The following ADAMTS6 variants were observed in gnomAD, a reference collection of about 807,000 sequenced individuals.
The protein encoded by ADAMTS6 is ADAM metallopeptidase with thrombospondin type 1 motif 6, also known as A disintegrin and metalloproteinase with thrombospondin motifs 6.
In ADAMTS6, 23 loss-of-function variants were observed where a neutral mutation model predicts 144.3. The ratio of observed to expected loss-of-function variants is 0.16; its 90% confidence interval spans 0.11 to 0.23. The LOEUF is 0.23. Among genes scored for constraint, ADAMTS6 ranks in the 10% least tolerant of loss-of-function variants. The pLI is 1.00. For missense variants in ADAMTS6, 999 were observed against 1,379.6 expected (o/e 0.72, Z 4.37); for synonymous variants, 444 against 457.5 (o/e 0.97, Z 0.38).
intron 1 of ADAMTS6, among the ~76,000 whole-genome samples, chr5:65,480,215 T>C (rs1308986797): frequency 6.6e-6 from 1 of 152,128 alleles, no homozygotes; most frequent in African/African-American, 2.4e-5. Context: ...CACTTGAACA[T>C]AAAAAGAACA....
intron 12 of ADAMTS6, among the ~76,000 whole-genome samples, chr5:65,272,350 G>A (rs1175735774): frequency 6.6e-6 from 1 of 152,078 alleles, no homozygotes; most frequent in Non-Finnish European, 1.5e-5. Context: ...TTCAACAATT[G>A]TTGTTGTTTT....
chr5:65,244,661 C>T lies in ADAMTS6; in HGVS notation c.1831-2455G>A, dbSNP rs192758670. 2.1e-3 allele frequency among the ~76,000 whole-genome samples: 316 copies of T among 152,206 alleles called. 1 individual carries two copies. Among genetic ancestry groups the T allele is most frequent in the Non-Finnish European group, 3.8e-3 (258 of 68,006 alleles). On this transcript the variant is annotated intron_variant, in intron 14 of 24. Transcript: ENST00000381055. The stretch of plus-strand genomic sequence containing the variant: ...ATTATCTATATACTCCTTCTCAACA[C>T]TCTTTTGAGGTAGATATAATTAATA...
intron 7 of ADAMTS6, among the ~76,000 whole-genome samples, chr5:65,394,945 A>G (rs1041929284): frequency 6.6e-6 from 1 of 152,166 alleles, no homozygotes; most frequent in Non-Finnish European, 1.5e-5. Context: ...AAATAATCCT[A>G]TGAAGTAGCA....
intron 24 of ADAMTS6, among the ~76,000 whole-genome samples, chr5:65,161,874 G>A (rs1221328649): frequency 1.3e-5 from 2 of 152,176 alleles, no homozygotes; most frequent in African/African-American, 4.8e-5. Context: ...TTTTAAATGA[G>A]TTGACAGCTT....
chr5:65,190,920 T>TC (rs970448486), intron 21 of ADAMTS6, among the ~76,000 whole-genome samples: 2 of 152,070 alleles, frequency 1.3e-5, no homozygotes, highest in Admixed American at 6.6e-5. Context: ...CATCTGCTTG[T>TC]CTCAGTTTCT....
intron 21 of ADAMTS6, among the ~76,000 whole-genome samples, chr5:65,191,854 C>T (rs1755034206): frequency 6.6e-6 from 1 of 152,038 alleles, no homozygotes; most frequent in Admixed American, 6.6e-5. Flanking sequence ...GAGAATGTGT[C>T]AATGAAGCAA....
At chr5:65,216,137 C>A (rs1484214807) in intron 18 of ADAMTS6, among the ~76,000 whole-genome samples, 2 of 152,128 alleles carry the variant, frequency 1.3e-5, no homozygotes, top group Non-Finnish European at 2.9e-5. Flanking sequence ...CTTGGACACA[C>A]ATATTCATAG....
intron 15 of ADAMTS6, among the ~76,000 whole-genome samples, chr5:65,239,991 C>G (rs891139512): frequency 3.9e-5 from 6 of 152,150 alleles, no homozygotes; most frequent in Non-Finnish European, 8.8e-5. Context: ...CCCAGCAATT[C>G]TACTCCTAAG....
chr5:65,232,815 T>C (rs188795072), intron 15 of ADAMTS6, among the ~76,000 whole-genome samples: 20 of 152,066 alleles, frequency 1.3e-4, no homozygotes, highest in Admixed American at 7.2e-4. Context: ...TTCAAAAACA[T>C]TGCAGAGAAG....
chr5:65,405,856 G>T (rs950572366), intron 7 of ADAMTS6, among the ~76,000 whole-genome samples: 8 of 151,950 alleles, frequency 5.3e-5, no homozygotes, highest in Admixed American at 2.0e-4. Flanking sequence ...TGAAGAGGTC[G>T]TTCACATCCC....
chr5:65,305,498 T>C (rs1251832291), intron 9 of ADAMTS6, among the ~76,000 whole-genome samples: 5 of 152,048 alleles, frequency 3.3e-5, no homozygotes, highest in Non-Finnish European at 7.4e-5. Context: ...TATAGATAAA[T>C]AGAGAGAAAA....
chr5:65,171,182 T>G (rs1753605253), intron 23 of ADAMTS6, among the ~76,000 whole-genome samples: 1 of 152,092 alleles, frequency 6.6e-6, no homozygotes, highest in South Asian at 2.1e-4. Flanking sequence ...GCTAATTTTT[T>G]GTATTTTTAG....
At chr5:65,304,932 AAAAC>A (rs1433388318) in intron 9 of ADAMTS6, among the ~76,000 whole-genome samples, 2 of 152,162 alleles carry the variant, frequency 1.3e-5, no homozygotes, top group Non-Finnish European at 2.9e-5. Context: ...AATGCTACAG[AAAAC>A]AAACATTGCT....
intron 7 of ADAMTS6, among the ~76,000 whole-genome samples, chr5:65,406,100 A>G (rs1754450335): frequency 6.6e-6 from 1 of 152,158 alleles, no homozygotes; most frequent in Non-Finnish European, 1.5e-5. Flanking sequence ...AAAAAGGGAC[A>G]ATTTGACTTC....
intron 18 of ADAMTS6, among the ~76,000 whole-genome samples, chr5:65,220,902 G>T (rs1757279800): frequency 6.6e-6 from 1 of 152,054 alleles, no homozygotes; most frequent in Non-Finnish European, 1.5e-5. Context: ...TACGGAAAAT[G>T]AAAAGAAGAG....
chr5:65,302,102 AAAAAAATATAT>A (rs1561398038), intron 9 of ADAMTS6, among the ~76,000 whole-genome samples: 1 of 94,054 alleles, frequency 1.1e-5, no homozygotes, highest in African/African-American at 4.8e-5. Context: ...CAAAAAAAAA[AAAAAAATATAT>A]ATATATATAT....
chr5:65,429,281 T>C (rs1347353119), intron 7 of ADAMTS6, among the ~76,000 whole-genome samples: 1 of 152,192 alleles, frequency 6.6e-6, no homozygotes, highest in African/African-American at 2.4e-5. Context: ...TTTATTACCA[T>C]TGGATCACTC....
At chr5:65,448,132 T>C (rs893311182) in intron 7 of ADAMTS6, among the ~76,000 whole-genome samples, 1 of 150,802 alleles carries the variant, frequency 6.6e-6, no homozygotes, top group African/African-American at 2.4e-5. Flanking sequence ...TACACATGTA[T>C]AATATATATA....
Position 65,224,929 on chromosome 5 carries a change from C to T in ADAMTS6, c.2186G>A (p.Arg729Lys). Residue 729 changes from arginine (R) to lysine (K), a missense_variant, in exon 17 of 25, where the codon AGG (arginine) becomes AAG (lysine). This residue lies in a region of ADAMTS6 where 619 missense variants were observed against 837.0 expected (regional missense o/e 0.74). Transcript: ENST00000381055. Reference sequence around the variant, plus strand: ...AGTTCTCTCTACATACTCACCTCCCCTGGGCAGTGAATCATTGAAGAACCC... The same window carrying T: ...AGTTCTCTCTACATACTCACCTCCCTTGGGCAGTGAATCATTGAAGAACCC... ...IEGFFNDSLP[R>K]GGYMEVVQIP... is the part of the protein sequence containing the mutation. 6.2e-7 allele frequency: 1 copy of T among 1,613,388 alleles called. No individual in the cohort carries two copies. The highest frequency in any genetic ancestry group is 8.5e-7 in the Non-Finnish European group (1 of 1,179,724).
Sources: gnomAD v4.1 joint callset for allele counts (sites outside exome capture counted in the v4.1 genomes callset) on GRCh38, gnomAD v4.1.1 for gene constraint, gnomAD v4.1.1 regional missense constraint, MANE v1.5 for transcripts, NCBI Gene and HGNC (gene_info 2026-07-23, HGNC 2026-07-21) for gene names.